The following KCNK2 variants were observed in gnomAD, a reference collection of about 807,000 sequenced individuals.
KCNK2 encodes potassium channel subfamily K member 2.
Under a neutral mutation model 40.5 loss-of-function variants are expected in KCNK2, and 21 were observed. The ratio of observed to expected loss-of-function variants is 0.52; its 90% CI spans 0.37 to 0.75. The LOEUF is 0.75. KCNK2 is among the 30% of genes least tolerant of loss of function. The pLI, the probability that KCNK2 is intolerant of heterozygous loss-of-function variation, is 0.00. For synonymous variants in KCNK2, 191 were observed against 202.2 expected (o/e 0.94, Z 0.47); for missense variants, 399 against 531.6 (o/e 0.75, Z 2.45).
intron 6 of KCNK2, among the ~76,000 whole-genome samples, chr1:215,208,712 A>C (rs1048207425): frequency 2.6e-5 from 4 of 152,152 alleles, no homozygotes. Context: ...TATATAAAGA[A>C]ATCCATTTTC....
At chr1:215,029,038 C>G (rs1421012344) in intron 1 of KCNK2, among the ~76,000 whole-genome samples, 1 of 151,670 alleles carries the variant, frequency 6.6e-6, no homozygotes, top group African/African-American at 2.4e-5. Context: ...TCCCACATAC[C>G]CTTTACCCCT....
intron 3 of KCNK2, among the ~76,000 whole-genome samples, chr1:215,141,815 A>AT (rs1300033013): frequency 6.6e-6 from 1 of 152,104 alleles, no homozygotes; most frequent in Non-Finnish European, 1.5e-5. Flanking sequence ...TTTTTAAGAG[A>AT]TTTTTTAAAA....
intron 5 of KCNK2, among the ~76,000 whole-genome samples, chr1:215,193,040 C>A (rs556171419): frequency 1.3e-5 from 2 of 151,986 alleles, no homozygotes; most frequent in African/African-American, 4.8e-5. Flanking sequence ...GCAATGCATA[C>A]TTGATTTTTA....
chr1:215,012,114 C>G (rs2102471148), intron 1 of KCNK2, among the ~76,000 whole-genome samples: 1 of 152,214 alleles, frequency 6.6e-6, no homozygotes, highest in East Asian at 1.9e-4. Context: ...TCTTAACGTG[C>G]CCTGGACATA....
At chr1:215,110,758 CA>C (rs35560742) in intron 2 of KCNK2, among the ~76,000 whole-genome samples, 83,079 of 151,908 alleles carry the variant, frequency 0.55, 25,451 homozygotes, top group Non-Finnish European at 0.68. Context: ...TGCCCCCACA[CA>C]TGCATAGCTT....
intron 2 of KCNK2, 68 bp from the exon 3 acceptor site, chr1:215,124,565 G>A: frequency 1.1e-6 from 1 of 881,464 alleles, no homozygotes; most frequent in Non-Finnish European, 1.9e-6. Flanking sequence ...TTTCTGGGGT[G>A]GAATATATGC....
At chr1:215,162,267 G>T (rs1359359547) in intron 3 of KCNK2, among the ~76,000 whole-genome samples, 1 of 151,922 alleles carries the variant, frequency 6.6e-6, no homozygotes, top group African/African-American at 2.4e-5. Flanking sequence ...TTTTTGATGG[G>T]GTTGTTTTTT....
At position 215,144,827 on chromosome 1, in the gene KCNK2, C is replaced by T. The variant is rs79500822; in HGVS notation, c.475+20077C>T. Among the ~76,000 whole-genome samples the T allele has an allele frequency of 2.0e-4, 31 of 152,206 alleles. No homozygotes were observed. In the East Asian group the frequency reaches 5.6e-3, roughly 28 times the overall value. On this transcript the variant is annotated intron_variant, in intron 3 of 6. Transcript: ENST00000444842. ...ATTCTGTGAGGGATGTCAAAGTTAA[C>T]GCCTTCAAAATAACAGGCTTTGCTG... is the stretch of plus-strand genomic sequence containing the variant.
intron 3 of KCNK2, among the ~76,000 whole-genome samples, chr1:215,136,263 T>C (rs11120505): frequency 0.11 from 16,109 of 151,816 alleles, 2,832 homozygotes; most frequent in African/African-American, 0.36. Flanking sequence ...GTCCAGCTAA[T>C]TTTTTATATT....
At chr1:215,093,400 T>C (rs1558087365) in intron 2 of KCNK2, among the ~76,000 whole-genome samples, 2 of 133,804 alleles carry the variant, frequency 1.5e-5, no homozygotes, top group East Asian at 2.1e-4. Context: ...ATACCTATAA[T>C]ATACATATAA....
intron 1 of KCNK2, among the ~76,000 whole-genome samples, chr1:215,077,032 T>C (rs1206406464): frequency 1.3e-5 from 2 of 152,216 alleles, no homozygotes; most frequent in African/African-American, 2.4e-5. Flanking sequence ...TCTCCTCTCC[T>C]CTTAGCATAG....
chr1:215,150,572 A>G (rs1208185717), intron 3 of KCNK2, among the ~76,000 whole-genome samples: 1 of 152,148 alleles, frequency 6.6e-6, no homozygotes, highest in African/African-American at 2.4e-5. Context: ...ATTCTTGCAT[A>G]TAACTTACAA....
At chr1:215,121,022 A>G (rs745338861) in intron 2 of KCNK2, among the ~76,000 whole-genome samples, 3 of 152,190 alleles carry the variant, frequency 2.0e-5, no homozygotes, top group Admixed American at 6.5e-5. Flanking sequence ...TTATGTGACA[A>G]AAATGAAGAA....
intron 1 of KCNK2, among the ~76,000 whole-genome samples, chr1:215,027,305 C>G (rs1190727656): frequency 6.6e-6 from 1 of 152,028 alleles, no homozygotes; most frequent in African/African-American, 2.4e-5. Context: ...TGATAACAAG[C>G]TTTCTGTTTG....
intron 3 of KCNK2, among the ~76,000 whole-genome samples, chr1:215,159,592 G>C (rs890508665): frequency 6.6e-6 from 1 of 152,026 alleles, no homozygotes; most frequent in Non-Finnish European, 1.5e-5. Context: ...GCATTTTAAA[G>C]GATTATCATC....
chr1:215,085,365 G>A lies in KCNK2; in HGVS notation c.47-1003G>A, dbSNP rs61818298. ...TTCCACAAAATGTCCTGTAGTAGGT[G>A]TTTTATTTTCCTCTTAGCAAGTAGA... On this transcript the variant is annotated intron_variant, in intron 1 of 6. Transcript: ENST00000444842. 9.9e-3 allele frequency among the ~76,000 whole-genome samples: 1,510 copies of A among 152,120 alleles called. 29 individuals carry two copies. Among genetic ancestry groups the A allele is most frequent in the South Asian group, 0.066 (319 of 4,822 alleles).
chr1:215,148,322 G>C (rs1662529006), intron 3 of KCNK2, among the ~76,000 whole-genome samples: 2 of 151,446 alleles, frequency 1.3e-5, no homozygotes, highest in Non-Finnish European at 2.9e-5. Context: ...TGATCCACCT[G>C]CCTCAACCTC....
In KCNK2 at chr1:215,050,045, T is replaced by G. The variant is rs187751778; in HGVS notation, c.35-36323T>G. On this transcript the variant is annotated intron_variant, in intron 1 of 6. Coordinates refer to the KCNK2 transcript ENST00000391895. ...GCTTATCTATGTCTATAAAAAACCT[T>G]GGTGAGATTTTGATAAGAGTTGTAT... 2.7e-3 allele frequency among the ~76,000 whole-genome samples: 407 copies of G among 152,270 alleles called. 1 individual carries two copies. Among genetic ancestry groups the G allele is most frequent in the African/African-American group, 9.2e-3 (383 of 41,568 alleles).
chr1:215,148,762 A>G (rs1662554250), intron 3 of KCNK2, among the ~76,000 whole-genome samples: 1 of 152,158 alleles, frequency 6.6e-6, no homozygotes, highest in African/African-American at 2.4e-5. Flanking sequence ...TGTATGTTGA[A>G]AGAAGGCAAG....
Sources: gnomAD v4.1 joint callset for allele counts (sites outside exome capture counted in the v4.1 genomes callset) on GRCh38, gnomAD v4.1.1 for gene constraint, MANE v1.5 for transcripts, NCBI Gene and HGNC (gene_info 2026-07-23, HGNC 2026-07-21) for gene names.